ROBO1: variants seen among roughly 807,000 people sequenced by gnomAD.
ROBO1 encodes the protein roundabout homolog 1.
Under a neutral mutation model 195.9 loss-of-function variants are expected in ROBO1, and 149 were observed. The ratio of observed to expected loss-of-function variants is 0.76; its 90% CI spans 0.67 to 0.87. The LOEUF is 0.87. Among genes scored for constraint, ROBO1 ranks in the 40% least tolerant of loss-of-function variants. The pLI, the probability that ROBO1 is intolerant of heterozygous loss-of-function variation, is 0.00. For synonymous variants in ROBO1, 816 were observed against 733.2 expected (o/e 1.11, Z -1.82); for missense variants, 1,933 against 2,068.3 (o/e 0.93, Z 1.27).
At chr3:79,735,700 C>T (rs1013399134) in intron 1 of ROBO1, among the ~76,000 whole-genome samples, 3 of 152,088 alleles carry the variant, frequency 2.0e-5, no homozygotes. Flanking sequence ...GAAACCCCGT[C>T]TCTACTAAAA....
At chr3:78,699,765 G>A (rs1419621862) in intron 8 of ROBO1, among the ~76,000 whole-genome samples, 1 of 151,790 alleles carries the variant, frequency 6.6e-6, no homozygotes, top group Non-Finnish European at 1.5e-5. Context: ...CCTTGACCTA[G>A]CCCTACTGGC....
intron 2 of ROBO1, among the ~76,000 whole-genome samples, chr3:79,344,531 A>AGCG (rs1422227373): frequency 1.3e-5 from 2 of 152,176 alleles, no homozygotes; most frequent in African/African-American, 2.4e-5. Flanking sequence ...TAGCAGCAAC[A>AGCG]GCGGCTATAA....
intron 2 of ROBO1, among the ~76,000 whole-genome samples, chr3:79,182,063 A>G (rs1252878200): frequency 2.0e-5 from 3 of 151,794 alleles, no homozygotes; most frequent in Non-Finnish European, 4.4e-5. Flanking sequence ...GTATGCTAGG[A>G]TATATTAATT....
chr3:78,993,074 A>G (rs1334711432), intron 3 of ROBO1, among the ~76,000 whole-genome samples: 1 of 152,184 alleles, frequency 6.6e-6, no homozygotes, highest in Non-Finnish European at 1.5e-5. Context: ...CCCACCATTT[A>G]TAGAATCTAA....
chr3:79,398,073 G>A (rs1334447081), intron 2 of ROBO1, among the ~76,000 whole-genome samples: 3 of 151,904 alleles, frequency 2.0e-5, no homozygotes, highest in Non-Finnish European at 4.4e-5. Flanking sequence ...CCACCTAATA[G>A]TGCTAAAACA....
chr3:79,457,816 C>T (rs932226397), intron 2 of ROBO1, among the ~76,000 whole-genome samples: 1 of 152,100 alleles, frequency 6.6e-6, no homozygotes, highest in Non-Finnish European at 1.5e-5. Context: ...TCCATTAAAC[C>T]TCTTTTTCTT....
intron 2 of ROBO1, among the ~76,000 whole-genome samples, chr3:79,305,005 C>G (rs1490402240): frequency 1.3e-5 from 2 of 152,306 alleles, no homozygotes; most frequent in African/African-American, 4.8e-5. Context: ...TCATCTTAGT[C>G]AATACGTGGT....
At chr3:79,550,201 GAAAAGAAAA>G (rs1559984507) in intron 2 of ROBO1, among the ~76,000 whole-genome samples, 992 of 23,066 alleles carry the variant, frequency 0.043, 21 homozygotes, top group African/African-American at 0.086. Context: ...GAAAGGAAAA[GAAAAGAAAA>G]GAAAAGAAAA....
chr3:79,622,690 G>T (rs1945046004), intron 1 of ROBO1, among the ~76,000 whole-genome samples: 1 of 152,210 alleles, frequency 6.6e-6, no homozygotes, highest in Non-Finnish European at 1.5e-5. Context: ...ATCTCCCTGG[G>T]CTTGAGCCCC....
intron 4 of ROBO1, among the ~76,000 whole-genome samples, chr3:78,908,448 G>C (rs917752409): frequency 5.9e-5 from 9 of 151,870 alleles, no homozygotes; most frequent in Non-Finnish European, 1.2e-4. Context: ...GTTCATAAAT[G>C]ATGACTCATA....
At chr3:79,569,511 T>C (rs546916455) in intron 2 of ROBO1, among the ~76,000 whole-genome samples, 39 of 152,246 alleles carry the variant, frequency 2.6e-4, no homozygotes, top group African/African-American at 8.7e-4. Flanking sequence ...AATGTTTTCA[T>C]GTATATTATT....
intron 4 of ROBO1, among the ~76,000 whole-genome samples, chr3:78,878,015 C>T (rs963418904): frequency 6.6e-6 from 1 of 152,124 alleles, no homozygotes; most frequent in African/African-American, 2.4e-5. Flanking sequence ...ATGACGTTTC[C>T]TATGCATATC....
intron 2 of ROBO1, among the ~76,000 whole-genome samples, chr3:79,251,222 C>T (rs1457034847): frequency 1.3e-5 from 2 of 152,072 alleles, no homozygotes; most frequent in African/African-American, 4.8e-5. Context: ...TTAATAGAGA[C>T]AGATGCAAAA....
At chr3:78,678,675 A>C (rs1290849617) in intron 10 of ROBO1, among the ~76,000 whole-genome samples, 1 of 152,180 alleles carries the variant, frequency 6.6e-6, no homozygotes, top group East Asian at 1.9e-4. Context: ...AAATTGTGGC[A>C]ATAATCAATA....
intron 2 of ROBO1, among the ~76,000 whole-genome samples, chr3:79,352,832 A>G (rs1343156858): frequency 2.6e-5 from 4 of 152,232 alleles, no homozygotes; most frequent in Admixed American, 6.5e-5. Flanking sequence ...TTAACTAAAA[A>G]TGATTTATAG....
chr3:78,741,433 A>T (rs2082532069), intron 5 of ROBO1, among the ~76,000 whole-genome samples: 1 of 152,322 alleles, frequency 6.6e-6, no homozygotes, highest in African/African-American at 2.4e-5. Context: ...ACAAACTAGG[A>T]AAATATTTGT....
chr3:79,426,622 C>T (rs2038456764), intron 2 of ROBO1, among the ~76,000 whole-genome samples: 1 of 152,150 alleles, frequency 6.6e-6, no homozygotes, highest in Non-Finnish European at 1.5e-5. Context: ...CCCGCCTCAG[C>T]CTTTCAAACT....
At chr3:79,596,828 G>A (rs983423546) in intron 1 of ROBO1, among the ~76,000 whole-genome samples, 1 of 151,926 alleles carries the variant, frequency 6.6e-6, no homozygotes, top group Non-Finnish European at 1.5e-5. Flanking sequence ...ATGGCATATG[G>A]GAAGATGAAG....
intron 3 of ROBO1, among the ~76,000 whole-genome samples, chr3:79,062,962 C>T (rs998019853): frequency 6.6e-6 from 1 of 151,734 alleles, no homozygotes; most frequent in African/African-American, 2.4e-5. Flanking sequence ...GCACATGTAC[C>T]CTAGAACTTA....
Sources: allele counts gnomAD v4.1 joint callset (sites outside exome capture counted in the v4.1 genomes callset), GRCh38; gene constraint gnomAD v4.1.1; transcripts MANE v1.5; gene names NCBI Gene and HGNC (gene_info 2026-07-23, HGNC 2026-07-21).